The following PPFIA4 variants were observed in gnomAD, a reference collection of about 807,000 sequenced individuals.
PPFIA4 encodes PPFI scaffold protein A4.
In PPFIA4, 98 loss-of-function variants were observed where a neutral mutation model predicts 145.7. The ratio of observed to expected loss-of-function variants is 0.67; its 90% CI spans 0.57 to 0.80. The LOEUF is 0.80. Ranked by LOEUF, PPFIA4 falls within the 30% of genes least tolerant of loss-of-function variation. The pLI is 0.00. For missense variants in PPFIA4, 1,457 were observed against 1,632.7 expected (o/e 0.89, Z 1.85); for synonymous variants, 628 against 649.6 (o/e 0.97, Z 0.51).
chr1:203,044,468 C>T lies in PPFIA4; in HGVS notation c.576+15C>T. ...CCCACCAGCAGGTAATCTGCCTGCTCACCCTCAGTCTGCAGCTCCTGGAAG... is the reference window on the plus strand; with the variant it reads ...CCCACCAGCAGGTAATCTGCCTGCTTACCCTCAGTCTGCAGCTCCTGGAAG... On this transcript the variant is annotated intron_variant, in intron 5 of 29. Coordinates refer to ENST00000295706, the MANE Select transcript of PPFIA4 (RefSeq NM_001304331.2). The T allele has an allele frequency of 6.5e-7, 1 of 1,547,852 alleles. No individual in the cohort carries two copies. Among genetic ancestry groups the T allele is most frequent in the Non-Finnish European group, 8.7e-7 (1 of 1,144,536 alleles).
rs923014965 is a variant in PPFIA4 at position 203,063,768 on chromosome 1, C to A, written c.2875-60C>A. On this transcript the variant is annotated intron_variant, in intron 24 of 29. Coordinates refer to ENST00000295706, the MANE Select transcript of PPFIA4 (RefSeq NM_001304331.2). ...GTGTCTCCCGACCAGCTATACCAGC[C>A]TCAGCCTGCTGGCTCTACCTTCCTC... The A allele has an allele frequency of 9.5e-6, 15 of 1,581,494 alleles. No homozygotes were observed. In the African/African-American group the frequency reaches 2.0e-4, roughly 21 times the overall value.
At chr1:203,054,498 GT>G (rs1370029329) in intron 15 of PPFIA4, among the ~76,000 whole-genome samples, 1 of 152,164 alleles carries the variant, frequency 6.6e-6, no homozygotes, top group Non-Finnish European at 1.5e-5. Context: ...AACAGAAACA[GT>G]GACAGGGAAC....
In PPFIA4 at chr1:203,076,687, T is replaced by C. The variant is rs927006936; in HGVS notation, c.*297T>C. 33 of 476,760 alleles carry C rather than the reference T, an allele frequency of 6.9e-5. No homozygotes were observed. Among genetic ancestry groups the C allele is most frequent in the African/African-American group, 5.9e-4 (30 of 51,098 alleles). 29.5% of individuals were successfully genotyped at this position (476,760 alleles called of 1,614,324 possible). A position where few individuals can be genotyped will look rare whatever the true frequency, so the allele number is the denominator to read the frequency against. On this transcript the variant is annotated 3_prime_UTR_variant, in exon 30 of 30. Transcript: ENST00000295706. Reference sequence around the variant, plus strand: ...AGAGAAGGGCAGCTCAGGGTGGATGTGAAGCCACCCTTCCTCTTCTGGACC... The same window carrying C: ...AGAGAAGGGCAGCTCAGGGTGGATGCGAAGCCACCCTTCCTCTTCTGGACC...
At position 203,067,022 on chromosome 1, in the gene PPFIA4, C is replaced by G. The variant is rs115507666; in HGVS notation, c.3051-673C>G. 1.4e-3 allele frequency among the ~76,000 whole-genome samples: 206 copies of G among 152,256 alleles called. 1 individual carries two copies. The highest frequency in any genetic ancestry group is 4.7e-3 in the African/African-American group (195 of 41,538). ...GATGGTGATAATTGCAATTTTAAAT[C>G]GGATGAACAACGTGACTAGTGAGTT... On this transcript the variant is annotated intron_variant, in intron 25 of 29. Coordinates refer to ENST00000295706, the MANE Select transcript of PPFIA4 (RefSeq NM_001304331.2).
intron 13 of PPFIA4, 126 bp downstream of exon 13, chr1:203,049,893 T>C: frequency 1.2e-6 from 1 of 809,886 alleles, no homozygotes; most frequent in South Asian, 3.0e-5. Context: ...GGTGGGACAC[T>C]GAGGCTCAGA....
Position 203,075,911 on chromosome 1 carries a change from G to T in PPFIA4, c.3574+154G>T. 1.3e-6 allele frequency: 1 copy of T among 795,516 alleles called. No individual in the cohort carries two copies. The highest frequency in any genetic ancestry group is 1.8e-6 in the Non-Finnish European group (1 of 557,034). 49.3% of individuals were successfully genotyped at this position (795,516 alleles called of 1,614,324 possible). On this transcript the variant is annotated intron_variant, in intron 29 of 29. Transcript: ENST00000295706. This position sits in a 1 kb window ranked among gnomAD's most constrained non-coding sequence, Gnocchi z 4.1. ...TGCACTAACGCTCCGCGGGGAGCGT[G>T]TGTGCGCACTAACCCGCCGCTCTGT...
rs1553257087 is a variant in PPFIA4 at position 203,052,054 on chromosome 1, C to CCCCCG, written c.1620+179_1620+180insCCGCC. Among the ~76,000 whole-genome samples the CCCCCG allele has an allele frequency of 4.8e-5, 5 of 104,122 alleles. No homozygotes were observed. In the South Asian group the frequency reaches 1.4e-3, roughly 29 times the overall value. The allele number at this position is 104,122 out of a possible 152,430, so 68.3% of individuals were successfully genotyped here. A position where few individuals can be genotyped will look rare whatever the true frequency, so the allele number is the denominator to read the frequency against. On this transcript the variant is annotated intron_variant, in intron 14 of 29. Transcript: ENST00000295706. ...CAGCTGCAACAGCTGTGCCCCCCCC[C>CCCCCG]CCGCTTGCCTTGGCCTCCTGGTGGG...
rs144824834 is a variant in PPFIA4, at chr1:203,040,353, G to A, written c.234+1111G>A. On this transcript the variant is annotated intron_variant, in intron 2 of 29. Transcript: ENST00000295706. ...GTTGGGAAGGCAGCCCTGAGGAGCC[G>A]AAGAGCTCAAGCCTCAGCGCCAGGC... 7.2e-4 allele frequency among the ~76,000 whole-genome samples: 110 copies of A among 152,368 alleles called. 1 individual carries two copies. In the East Asian group the frequency reaches 0.016, roughly 23 times the overall value.
intron 25 of PPFIA4, among the ~76,000 whole-genome samples, chr1:203,066,535 G>A (rs1275792472): frequency 6.6e-6 from 1 of 152,166 alleles, no homozygotes; most frequent in East Asian, 1.9e-4. Context: ...CTTCCAAGAT[G>A]GAATGAGCTG....
chr1:203,050,434 A>G (rs1204784206), intron 13 of PPFIA4, among the ~76,000 whole-genome samples: 7 of 152,172 alleles, frequency 4.6e-5, no homozygotes, highest in Admixed American at 3.3e-4. Flanking sequence ...TGGGGTGAAG[A>G]CAGGGGAGAC....
chr1:203,046,507 G>A (rs1035861052), intron 9 of PPFIA4, 125 bp downstream of exon 9: 7 of 1,163,492 alleles, frequency 6.0e-6, no homozygotes, highest in South Asian at 3.2e-5. Flanking sequence ...GCTTCCCGCC[G>A]TGTGATTCCA....
Position 203,075,501 on chromosome 1 carries a change from TG to T in PPFIA4, c.3394-74del, listed in dbSNP as rs1662460548. On this transcript the variant is annotated intron_variant, in intron 28 of 29. Coordinates refer to ENST00000295706, the MANE Select transcript of PPFIA4 (RefSeq NM_001304331.2). This position sits in a 1 kb window ranked among gnomAD's most constrained non-coding sequence, Gnocchi z 4.1. Reference sequence around the variant, plus strand: ...TGGTGCCCCTTGAACCAGCAGCGACTGGCCCCCTCCAGGCAGGGCGTGAGGA... The same window carrying T: ...TGGTGCCCCTTGAACCAGCAGCGACTGCCCCCTCCAGGCAGGGCGTGAGGA... 4 of 1,243,014 alleles carry T rather than the reference TG, an allele frequency of 3.2e-6. No individual in the cohort carries two copies. Among genetic ancestry groups the T allele is most frequent in the Admixed American group, 3.7e-5 (1 of 26,766 alleles). The allele number at this position is 1,243,014 out of a possible 1,614,324, so 77.0% of individuals were successfully genotyped here.
intron 19 of PPFIA4, among the ~76,000 whole-genome samples, chr1:203,057,690 T>C (rs2102665588): frequency 6.6e-6 from 1 of 152,324 alleles, no homozygotes; most frequent in African/African-American, 2.4e-5. Flanking sequence ...AGGAGTTCAG[T>C]GTCTAATGAA....
At chr1:203,051,438 C>T (rs1250634781) in intron 13 of PPFIA4, 17 of 692,736 alleles carry the variant, frequency 2.5e-5, no homozygotes, top group Non-Finnish European at 3.2e-5. Context: ...AGCCTCTGCT[C>T]GAATACCTCT....
At position 203,039,079 on chromosome 1, in the gene PPFIA4, C is replaced by T. The variant is rs573180450; in HGVS notation, c.71C>T (p.Ala24Val). ...CCCCCTCATGGCGCCGATGCTGACGCCAACTTCGAGCAGCTGATGGTGAAC... is the reference window on the plus strand; with the variant it reads ...CCCCCTCATGGCGCCGATGCTGACGTCAACTTCGAGCAGCTGATGGTGAAC... Reference protein sequence around the residue: ...LGPPHGADADANFEQLMVNML... With the variant: ...LGPPHGADADVNFEQLMVNML... Residue 24 changes from alanine (A) to valine (V), a missense_variant, in exon 2 of 30, where the codon GCC (alanine) becomes GTC (valine). Coordinates refer to ENST00000295706, the MANE Select transcript of PPFIA4 (RefSeq NM_001304331.2). 5 of 1,605,910 alleles carry T rather than the reference C, an allele frequency of 3.1e-6. No individual in the cohort carries two copies. The South Asian group carries it at 4.4e-5, about 14-fold the overall frequency.
At chr1:203,058,224 C>T (rs751114717) in intron 19 of PPFIA4, among the ~76,000 whole-genome samples, 5 of 151,336 alleles carry the variant, frequency 3.3e-5, no homozygotes, top group Non-Finnish European at 5.9e-5. Context: ...AGGGAGAGCA[C>T]GCGAGGAGGA....
chr1:203,075,772 G>T lies in PPFIA4; in HGVS notation c.3574+15G>T, dbSNP rs988750633. On this transcript the variant is annotated intron_variant, in intron 29 of 29. Coordinates refer to ENST00000295706, the MANE Select transcript of PPFIA4 (RefSeq NM_001304331.2). The surrounding 1 kb of genome is among the most constrained non-coding windows in gnomAD (Gnocchi z 4.1). ...CATGCCTGAAGGTGAGTAACAGGCG[G>T]GCTGGGCATGGCCGAGGCCCAGCCG... 2 of 1,354,122 alleles carry T rather than the reference G, an allele frequency of 1.5e-6. No individual in the cohort carries two copies. The highest frequency in any genetic ancestry group is 1.9e-6 in the Non-Finnish European group (2 of 1,047,712). 83.9% of individuals were successfully genotyped at this position (1,354,122 alleles called of 1,614,324 possible).
chr1:203,049,129 T>A, intron 12 of PPFIA4, 149 bp downstream of exon 12: 1 of 820,816 alleles, frequency 1.2e-6, no homozygotes, highest in Non-Finnish European at 1.9e-6. Context: ...GATTTCTCAC[T>A]AGAGCCCATC....
At chr1:203,044,930 C>A in intron 6 of PPFIA4, 145 bp downstream of exon 6, 1 of 735,884 alleles carries the variant, frequency 1.4e-6, no homozygotes, top group Non-Finnish European at 2.3e-6. Context: ...TTTTCTTCTT[C>A]TCCCTACCCC....
Sources: allele counts gnomAD v4.1 joint callset (sites outside exome capture counted in the v4.1 genomes callset), GRCh38; gene constraint gnomAD v4.1.1; non-coding constraint Gnocchi (gnomAD v3.1); transcripts MANE v1.5; gene names NCBI Gene and HGNC (gene_info 2026-07-23, HGNC 2026-07-21).